KIAA1755: variants seen among roughly 807,000 people sequenced by gnomAD.
The protein encoded by KIAA1755 is uncharacterized protein KIAA1755.
In KIAA1755, 68 loss-of-function variants were observed where a neutral mutation model predicts 91.7. That is an observed-to-expected ratio of 0.74 (90% CI 0.61 to 0.91). The LOEUF (loss-of-function observed/expected upper bound fraction) is 0.91. Ranked by LOEUF, KIAA1755 falls within the 40% of genes least tolerant of loss-of-function variation. KIAA1755 has a pLI of 0.00. For missense variants in KIAA1755, 1,535 were observed against 1,494.4 expected, an observed-to-expected ratio of 1.03 and a Z score of -0.45; for synonymous variants, 610 against 604.6, an observed-to-expected ratio of 1.01 and a Z score of -0.13.
chr20:38,220,762 T>C (rs1386899810), intron 10 of KIAA1755, among the ~76,000 whole-genome samples: 1 of 152,172 alleles, frequency 6.6e-6, no homozygotes, highest in Non-Finnish European at 1.5e-5. Flanking sequence ...TGGTGGGAAG[T>C]AGCTGCAACA....
At chr20:38,234,341 C>G (rs529837872) in intron 4 of KIAA1755, among the ~76,000 whole-genome samples, 47 of 152,272 alleles carry the variant, frequency 3.1e-4, no homozygotes, top group African/African-American at 1.1e-3. Context: ...CTCCTTACTG[C>G]CTTCCCTCTT....
rs1053567757 is a variant in KIAA1755, at chr20:38,254,905, G to A, written c.3+5593C>T. ...AAAAAGATCTGTCTTGGCTGGGCAC[G>A]GTGGCTCATGCCTGTAATCCCAGTA... On this transcript the variant is annotated intron_variant, in intron 1 of 13. Coordinates refer to ENST00000279024, the MANE Select transcript of KIAA1755 (RefSeq NM_001029864.2). Among the ~76,000 whole-genome samples, 22 of 150,960 alleles carry A rather than the reference G, an allele frequency of 1.5e-4. 1 individual carries two copies. In the South Asian group the frequency reaches 2.3e-3, roughly 16 times the overall value.
In KIAA1755 at chr20:38,241,206, C is replaced by G; in HGVS notation, c.925G>C (p.Ala309Pro). The change falls in exon 3 of 14, where the codon GCT (alanine) becomes CCT (proline). Residue 309 changes from alanine to proline, a missense_variant. Physicochemically the swap from Ala to Pro is conservative, Grantham distance 27 (BLOSUM62 -1). Coordinates refer to ENST00000279024, the MANE Select transcript of KIAA1755 (RefSeq NM_001029864.2). ...AATAAGGGAGTTTCCTTAGTTCCAG[C>G]TATCTCCTCTAGTGCCCCAGAAGTA... is the stretch of plus-strand genomic sequence containing the variant. Reference protein sequence around the residue: ...GCTSGALEEIAGTKETPLFQK... With the variant: ...GCTSGALEEIPGTKETPLFQK... The G allele has an allele frequency of 6.2e-7, 1 of 1,614,204 alleles. No individual in the cohort carries two copies. Among genetic ancestry groups the G allele is most frequent in the Non-Finnish European group, 8.5e-7 (1 of 1,180,042 alleles).
intron 7 of KIAA1755, 99 bp from the exon 8 acceptor site, chr20:38,225,880 C>T: frequency 7.8e-6 from 5 of 641,948 alleles, no homozygotes; most frequent in African/African-American, 5.7e-5. Context: ...GTTCATTTCC[C>T]ACAAGTAAGG....
intron 5 of KIAA1755, among the ~76,000 whole-genome samples, chr20:38,228,622 C>A (rs1449263509): frequency 6.6e-6 from 1 of 152,178 alleles, no homozygotes; most frequent in Non-Finnish European, 1.5e-5. Context: ...CAGAGCCTGG[C>A]TTCTGATTGG....
chr20:38,235,414 G>A (rs1304650562), intron 4 of KIAA1755, among the ~76,000 whole-genome samples: 1 of 152,046 alleles, frequency 6.6e-6, no homozygotes, highest in African/African-American at 2.4e-5. Context: ...ATGTGATGAA[G>A]GGCAGGACCT....
At position 38,225,672 on chromosome 20, in the gene KIAA1755, A is replaced by C. The variant is rs1198363950; in HGVS notation, c.2162T>G (p.Phe721Cys). ...GGCTGTGACGGTAAACACCTGGAAG[A>C]AATGAACCCACTCGGTGTGGCAGTA... ...FPYCHTEWVH[F>C]FQKLDPFLAD... Residue 721 changes from phenylalanine to cysteine, a missense_variant, in exon 8 of 14, where the codon TTC (phenylalanine) becomes TGC (cysteine). Coordinates refer to ENST00000279024, the MANE Select transcript of KIAA1755 (RefSeq NM_001029864.2). The C allele has an allele frequency of 6.2e-7, 1 of 1,608,020 alleles. No individual in the cohort carries two copies.
intron 7 of KIAA1755, among the ~76,000 whole-genome samples, chr20:38,226,014 C>A (rs1383367012): frequency 6.6e-6 from 1 of 152,248 alleles, no homozygotes; most frequent in Non-Finnish European, 1.5e-5. Context: ...TACTGCCACT[C>A]TCCTAGCTTG....
chr20:38,248,240 A>AAT (rs1388602543), intron 1 of KIAA1755, among the ~76,000 whole-genome samples: 2 of 152,178 alleles, frequency 1.3e-5, no homozygotes. Flanking sequence ...TAAAATAATA[A>AAT]ATAAATAGCG....
intron 4 of KIAA1755, among the ~76,000 whole-genome samples, chr20:38,232,594 C>A (rs2075887756): frequency 6.7e-6 from 1 of 149,802 alleles, no homozygotes; most frequent in Admixed American, 6.7e-5. Flanking sequence ...CGCCACTGCA[C>A]TCCAGCCTGG....
At chr20:38,259,011 G>T (rs1223734761) in intron 1 of KIAA1755, among the ~76,000 whole-genome samples, 1 of 152,168 alleles carries the variant, frequency 6.6e-6, no homozygotes, top group Non-Finnish European at 1.5e-5. Context: ...ACCGCCGAGT[G>T]CAGGCTCAGA....
chr20:38,245,997 G>T lies in KIAA1755; in HGVS notation c.133C>A (p.Leu45Met), dbSNP rs752497535. Residue 45 changes from leucine to methionine, a missense_variant, in exon 2 of 14, where the codon CTG (leucine) becomes ATG (methionine). Coordinates refer to ENST00000279024, the MANE Select transcript of KIAA1755 (RefSeq NM_001029864.2). The part of the protein sequence containing the change: ...LLDSGFQGDG[L>M]SFLLDFLIPA... ...ATCAGGAAATCCAGAAGGAAGCTCA[G>T]CCCATCCCCCTGGAAGCCAGAGTCC... 1.2e-6 allele frequency: 2 copies of T among 1,614,064 alleles called. No homozygotes were observed. The highest frequency in any genetic ancestry group is 2.2e-5 in the South Asian group (2 of 91,090).
chr20:38,215,005 G>A (rs574037597), intron 13 of KIAA1755, among the ~76,000 whole-genome samples: 16 of 152,258 alleles, frequency 1.1e-4, no homozygotes, highest in East Asian at 1.9e-4. Context: ...ATAAATCTCC[G>A]TTAGTGGCAC....
At position 38,240,673 on chromosome 20, in the gene KIAA1755, C is replaced by T. The variant is rs543400408; in HGVS notation, c.1458G>A (p.Pro486=). The T allele has an allele frequency of 1.7e-4, 269 of 1,546,246 alleles. 3 individuals carry two copies. The South Asian group carries it at 2.4e-3, about 14-fold the overall frequency. The stretch of plus-strand genomic sequence containing the variant: ...CATTGTGCTGGAGTGAGGCTTTCTC[C>T]GGGGTCACAGAGGGTTGCCTCTGCC... ...LRGQRQPSVT[P]EKASLQHNGP... The change falls in exon 3 of 14, where the codon CCG becomes CCA. Residue 486 remains proline (P), a synonymous_variant. Coordinates refer to ENST00000279024, the MANE Select transcript of KIAA1755 (RefSeq NM_001029864.2).
At chr20:38,254,849 A>G (rs1448240756) in intron 1 of KIAA1755, among the ~76,000 whole-genome samples, 1 of 151,320 alleles carries the variant, frequency 6.6e-6, no homozygotes, top group Non-Finnish European at 1.5e-5. Flanking sequence ...TCTGAATGGG[A>G]TCAGTTAATC....
At chr20:38,249,925 GGCCTCTCTGTTGAGACGTTGGCTCCA>G (rs1358897743) in intron 1 of KIAA1755, among the ~76,000 whole-genome samples, 1 of 151,970 alleles carries the variant, frequency 6.6e-6, no homozygotes, top group African/African-American at 2.4e-5. Flanking sequence ...CTTGGGCTCT[GGCCTCTCTGTTGAGACGTTGGCTCCA>G]GCCTCTCTGT....
At position 38,225,738 on chromosome 20, in the gene KIAA1755, T is replaced by C. The variant is rs1486763475; in HGVS notation, c.2096A>G (p.Asp699Gly). Residue 699 changes from aspartate (D) to glycine (G), a missense_variant, in exon 8 of 14, where the codon GAC becomes GGC. Asp to Gly is a moderately conservative substitution (Grantham distance 94). Coordinates refer to ENST00000279024, the MANE Select transcript of KIAA1755 (RefSeq NM_001029864.2). Reference sequence around the variant, plus strand: ...CAGGACTGCGGGCAGCTGGCTGGGGTCCACATGGTGGCTGAGGGCCTTCAA... The same window carrying C: ...CAGGACTGCGGGCAGCTGGCTGGGGCCCACATGGTGGCTGAGGGCCTTCAA... ...TSLKALSHHVDPSQLPAVLEG... is the reference protein window; with the variant it reads ...TSLKALSHHVGPSQLPAVLEG... The C allele has an allele frequency of 6.2e-7, 1 of 1,605,792 alleles. No homozygotes were observed. Among genetic ancestry groups the C allele is most frequent in the Non-Finnish European group, 8.5e-7 (1 of 1,176,378 alleles).
chr20:38,228,390 T>C lies in KIAA1755; in HGVS notation c.1872-150A>G, dbSNP rs139656126. The C allele has an allele frequency of 2.0e-3, 1,076 of 549,012 alleles. 13 individuals carry two copies. Among genetic ancestry groups the C allele is most frequent in the African/African-American group, 0.019 (976 of 50,996 alleles). 34.0% of individuals were successfully genotyped at this position (549,012 alleles called of 1,614,324 possible). The stretch of plus-strand genomic sequence containing the variant: ...TAAGACCAAGTTCCAATGCCCCTTC[T>C]AGGAAGCCCTCCGTGGTTCTTCTCC... On this transcript the variant is annotated intron_variant, in intron 5 of 13. Coordinates refer to ENST00000279024, the MANE Select transcript of KIAA1755 (RefSeq NM_001029864.2).
chr20:38,236,646 A>G (rs1473486834), intron 4 of KIAA1755, among the ~76,000 whole-genome samples: 1 of 152,184 alleles, frequency 6.6e-6, no homozygotes, highest in East Asian at 1.9e-4. Flanking sequence ...ATGCTGCGGA[A>G]GGGCCTAGGG....
Sources: gnomAD v4.1 joint callset for allele counts (sites outside exome capture counted in the v4.1 genomes callset) on GRCh38, gnomAD v4.1.1 for gene constraint, MANE v1.5 for transcripts, NCBI Gene and HGNC (gene_info 2026-07-23, HGNC 2026-07-21) for gene names.